TCF12: variants seen among roughly 807,000 people sequenced by gnomAD.
The protein encoded by TCF12 is DNA-binding protein HTF4.
TCF12 carries 45 observed loss-of-function variants against 86.0 expected under a neutral mutation model. That is an observed-to-expected ratio of 0.52 (90% confidence interval 0.41 to 0.67). The LOEUF (loss-of-function observed/expected upper bound fraction) is 0.67, where lower values mean the gene tolerates loss of function less well. TCF12 is among the 30% of genes least tolerant of loss of function. The pLI, the probability that TCF12 is intolerant of heterozygous loss-of-function variation, is 0.00. For missense variants in TCF12, 881 were observed against 859.9 expected (o/e 1.02, Z -0.31); for synonymous variants, 330 against 299.6 (o/e 1.10, Z -1.05).
chr15:57,211,280 G>T (rs1479447156), intron 8 of TCF12, among the ~76,000 whole-genome samples: 1 of 151,958 alleles, frequency 6.6e-6, no homozygotes, highest in African/African-American at 2.4e-5. Flanking sequence ...TGATAGGGCA[G>T]GGAGCAGGGA....
At chr15:57,042,860 T>A (rs1300718823) in intron 3 of TCF12, among the ~76,000 whole-genome samples, 1 of 152,210 alleles carries the variant, frequency 6.6e-6, no homozygotes, top group East Asian at 1.9e-4. Context: ...TTACAGCAGA[T>A]CTTTAGTACT....
At chr15:57,110,130 A>T (rs1228900692) in intron 5 of TCF12, among the ~76,000 whole-genome samples, 2 of 152,208 alleles carry the variant, frequency 1.3e-5, no homozygotes, top group African/African-American at 4.8e-5. Flanking sequence ...TAGCATAACA[A>T]TGTATAATAT....
At chr15:57,275,094 A>G (rs2061318505) in intron 19 of TCF12, among the ~76,000 whole-genome samples, 1 of 152,098 alleles carries the variant, frequency 6.6e-6, no homozygotes, top group African/African-American at 2.4e-5. Context: ...CTTTCTTACT[A>G]CTGACTTTCT....
intron 18 of TCF12, among the ~76,000 whole-genome samples, chr15:57,264,171 ATTTTC>A (rs2060723075): frequency 2.5e-5 from 1 of 39,442 alleles, no homozygotes; most frequent in Non-Finnish European, 5.6e-5. Flanking sequence ...ACAAAAATAT[ATTTTC>A]TTTAAGTTCT....
intron 4 of TCF12, among the ~76,000 whole-genome samples, chr15:57,083,966 A>G (rs1293384512): frequency 2.6e-5 from 4 of 152,130 alleles, no homozygotes; most frequent in African/African-American, 9.7e-5. Context: ...TAAACATTTA[A>G]TATATGGGAC....
At chr15:57,034,163 T>G (rs1482129535) in intron 3 of TCF12, among the ~76,000 whole-genome samples, 1 of 152,222 alleles carries the variant, frequency 6.6e-6, no homozygotes, top group East Asian at 1.9e-4. Context: ...GATAACCTAA[T>G]TGATGTATAT....
At chr15:57,022,052 T>C (rs1374593161) in intron 3 of TCF12, among the ~76,000 whole-genome samples, 3 of 148,774 alleles carry the variant, frequency 2.0e-5, no homozygotes, top group African/African-American at 7.8e-5. Flanking sequence ...CTTTTCTTTT[T>C]TTTATGTATG....
chr15:57,074,261 A>G (rs2069678780), intron 4 of TCF12, among the ~76,000 whole-genome samples: 1 of 152,020 alleles, frequency 6.6e-6, no homozygotes, highest in Non-Finnish European at 1.5e-5. Flanking sequence ...GTGTGCAAGA[A>G]TTAATAGAGG....
At chr15:57,225,216 T>C (rs889239658) in intron 8 of TCF12, among the ~76,000 whole-genome samples, 8 of 138,912 alleles carry the variant, frequency 5.8e-5, no homozygotes, top group African/African-American at 1.6e-4. Flanking sequence ...GTTACTGATA[T>C]ATGCTTTTTT....
intron 4 of TCF12, among the ~76,000 whole-genome samples, chr15:57,073,203 G>A (rs186614873): frequency 8.5e-5 from 13 of 152,182 alleles, no homozygotes; most frequent in Admixed American, 6.5e-4. Flanking sequence ...TCTTGATCAG[G>A]ACTGATCTAA....
intron 3 of TCF12, among the ~76,000 whole-genome samples, chr15:57,061,946 T>G (rs1318835003): frequency 6.6e-6 from 1 of 151,914 alleles, no homozygotes; most frequent in Non-Finnish European, 1.5e-5. Context: ...ACTGGAGAGA[T>G]GGTAACAGTG....
At chr15:57,263,073 C>G (rs780810865) in intron 17 of TCF12, 39 bp from the exon 18 acceptor site, 4 of 1,572,658 alleles carry the variant, frequency 2.5e-6, no homozygotes, top group Non-Finnish European at 3.4e-6. Context: ...ATATATGAGT[C>G]TCGTCTTTTA....
intron 5 of TCF12, among the ~76,000 whole-genome samples, chr15:57,137,941 C>G (rs1428007200): frequency 1.3e-5 from 2 of 152,078 alleles, no homozygotes; most frequent in African/African-American, 4.8e-5. Context: ...GCAGGAGAAT[C>G]ATTTGAACCC....
At chr15:56,963,027 C>CT (rs532973260) in intron 3 of TCF12, among the ~76,000 whole-genome samples, 19,017 of 96,184 alleles carry the variant, frequency 0.2, 1,882 homozygotes, top group Non-Finnish European at 0.26. Context: ...GTGTTAAGGT[C>CT]TTTTTTTTTT....
At chr15:57,161,461 A>G (rs2054499830) in intron 5 of TCF12, among the ~76,000 whole-genome samples, 1 of 152,232 alleles carries the variant, frequency 6.6e-6, no homozygotes, top group African/African-American at 2.4e-5. Flanking sequence ...AAAATGCTGA[A>G]TGTAGTTAAT....
At chr15:57,163,038 G>C (rs774303307) in intron 5 of TCF12, among the ~76,000 whole-genome samples, 18 of 152,084 alleles carry the variant, frequency 1.2e-4, no homozygotes, top group Non-Finnish European at 2.2e-4. Context: ...GCCGGGTGTG[G>C]TGGCACGCCC....
chr15:57,087,411 C>CAAA (rs5812863), intron 4 of TCF12, among the ~76,000 whole-genome samples: 33 of 131,490 alleles, frequency 2.5e-4, no homozygotes, highest in Non-Finnish European at 3.5e-4. Context: ...GACCCTGTCT[C>CAAA]AAAAAAAAAA....
intron 3 of TCF12, among the ~76,000 whole-genome samples, chr15:57,029,817 TA>T (rs2066040441): frequency 6.6e-6 from 1 of 152,198 alleles, no homozygotes; most frequent in African/African-American, 2.4e-5. Flanking sequence ...CGTATAAATG[TA>T]ATAATACAAT....
chr15:57,195,294 G>A (rs1350232951), intron 7 of TCF12, among the ~76,000 whole-genome samples: 2 of 152,224 alleles, frequency 1.3e-5, no homozygotes, highest in African/African-American at 4.8e-5. Flanking sequence ...GTATTTGATT[G>A]TATAGTGGTG....
Sources: gnomAD v4.1 joint callset for allele counts (sites outside exome capture counted in the v4.1 genomes callset) on GRCh38, gnomAD v4.1.1 for gene constraint, MANE v1.5 for transcripts, NCBI Gene and HGNC (gene_info 2026-07-23, HGNC 2026-07-21) for gene names.